Variants in MGAT4C observed in about 807,000 individuals in gnomAD.
MGAT4C encodes the protein MGAT4 family member C.
In MGAT4C, 19 loss-of-function variants were observed where a neutral mutation model predicts 40.1. The ratio of observed to expected loss-of-function variants is 0.47; its 90% CI spans 0.33 to 0.70. The LOEUF (loss-of-function observed/expected upper bound fraction) is 0.70, where lower values mean the gene tolerates loss of function less well. Among genes scored for constraint, MGAT4C ranks in the 30% least tolerant of loss-of-function variants. The probability of loss-of-function intolerance (pLI) is 0.02; values close to 1 mark genes in which losing one functional copy is unlikely to be tolerated. For synonymous variants in MGAT4C, 181 were observed against 187.1 expected (o/e 0.97, Z 0.27); for missense variants, 491 against 563.2 (o/e 0.87, Z 1.30).
At position 86,136,701 on chromosome 12, in the gene MGAT4C, T is replaced by C. The variant is rs1016930535; in HGVS notation, c.-56-86978A>G. Reference sequence around the variant, plus strand: ...TGTTTTTTTGTTTTTGTTTTTTCTTTTTTTGAGATGGAGTTTTGCTCTTGT... The same window carrying C: ...TGTTTTTTTGTTTTTGTTTTTTCTTCTTTTGAGATGGAGTTTTGCTCTTGT... On this transcript the variant is annotated intron_variant, in intron 1 of 4. Coordinates refer to ENST00000611864, the MANE Select transcript of MGAT4C (RefSeq NM_001351288.2). 1.7e-4 allele frequency among the ~76,000 whole-genome samples: 26 copies of C among 152,196 alleles called. 1 individual carries two copies. Among genetic ancestry groups the C allele is most frequent in the Admixed American group, 7.9e-4 (12 of 15,282 alleles).
chr12:86,390,034 A>C (rs1312522731), intron 3 of MGAT4C, among the ~76,000 whole-genome samples: 1 of 152,204 alleles, frequency 6.6e-6, no homozygotes, highest in African/African-American at 2.4e-5. Context: ...ACTTTTTAAC[A>C]ACATTACATT....
chr12:86,098,441 T>C (rs975136209), intron 1 of MGAT4C, among the ~76,000 whole-genome samples: 1 of 151,692 alleles, frequency 6.6e-6, no homozygotes, highest in African/African-American at 2.4e-5. Flanking sequence ...CATGTGTGAC[T>C]GAGTGCCAAT....
intron 3 of MGAT4C, among the ~76,000 whole-genome samples, chr12:86,359,981 G>T (rs1325016809): frequency 6.6e-6 from 1 of 152,136 alleles, no homozygotes; most frequent in Non-Finnish European, 1.5e-5. Flanking sequence ...CTCTTTTTAT[G>T]AGGCCAGCAT....
At chr12:86,619,444 A>G (rs1962568218) in intron 2 of MGAT4C, among the ~76,000 whole-genome samples, 1 of 152,016 alleles carries the variant, frequency 6.6e-6, no homozygotes, top group South Asian at 2.1e-4. Context: ...TTGCACCTCC[A>G]CATAATTCTG....
intron 2 of MGAT4C, among the ~76,000 whole-genome samples, chr12:86,721,910 C>A (rs769002751): frequency 6.6e-6 from 1 of 151,976 alleles, no homozygotes; most frequent in African/African-American, 2.4e-5. Flanking sequence ...ACATTTGATG[C>A]AGGTAGAATG....
intron 1 of MGAT4C, among the ~76,000 whole-genome samples, chr12:86,076,531 T>C (rs1422929912): frequency 6.6e-6 from 1 of 152,118 alleles, no homozygotes; most frequent in Non-Finnish European, 1.5e-5. Flanking sequence ...GATAAAGACA[T>C]ACCGGAAACT....
intron 3 of MGAT4C, among the ~76,000 whole-genome samples, chr12:86,335,424 G>C (rs902742313): frequency 6.6e-6 from 1 of 152,020 alleles, no homozygotes; most frequent in Non-Finnish European, 1.5e-5. Context: ...CAGTCTCTAT[G>C]GGAGAGTATA....
chr12:86,458,029 A>C (rs193015817), intron 2 of MGAT4C, among the ~76,000 whole-genome samples: 188 of 152,238 alleles, frequency 1.2e-3, no homozygotes, highest in Non-Finnish European at 2.0e-3. Flanking sequence ...TTGTCAATAC[A>C]AAACAAAAAG....
rs1950427272 is a variant in MGAT4C at position 86,704,859 on chromosome 12, C to A, written c.-229+22350G>T. Among the ~76,000 whole-genome samples the A allele has an allele frequency of 1.3e-5, 2 of 152,110 alleles. 1 individual carries two copies. The highest frequency in any genetic ancestry group is 4.1e-4 in the South Asian group (2 of 4,832). ...AAGATACACACACCTGCAATGCCAA[C>A]CATGTCACTGTCATAAATATTTTTC... On this transcript the variant is annotated intron_variant, in intron 2 of 7. Coordinates refer to the MGAT4C transcript ENST00000548651.
chr12:86,338,340 A>G (rs2136180765), intron 3 of MGAT4C, among the ~76,000 whole-genome samples: 1 of 152,150 alleles, frequency 6.6e-6, no homozygotes, highest in East Asian at 1.9e-4. Flanking sequence ...CAGCTGATAC[A>G]TCAAGTGCAG....
chr12:86,112,378 C>T (rs1877598475), intron 1 of MGAT4C, among the ~76,000 whole-genome samples: 1 of 151,280 alleles, frequency 6.6e-6, no homozygotes, highest in African/African-American at 2.4e-5. Context: ...CTTGTAGGCT[C>T]ATCTTTCTCT....
chr12:86,365,713 T>C (rs1029273626), intron 3 of MGAT4C, among the ~76,000 whole-genome samples: 1 of 149,742 alleles, frequency 6.7e-6, no homozygotes, highest in Non-Finnish European at 1.5e-5. Context: ...GAAGATCAAA[T>C]GGTTGTAGGT....
intron 1 of MGAT4C, among the ~76,000 whole-genome samples, chr12:86,083,185 C>A (rs1175254940): frequency 6.6e-6 from 1 of 152,010 alleles, no homozygotes; most frequent in Non-Finnish European, 1.5e-5. Flanking sequence ...AACTCTTTTA[C>A]AAATTTTAAA....
intron 4 of MGAT4C, among the ~76,000 whole-genome samples, chr12:86,312,350 G>A (rs1954100863): frequency 6.6e-6 from 1 of 152,218 alleles, no homozygotes; most frequent in Admixed American, 6.5e-5. Flanking sequence ...AAAGTGTGAA[G>A]AGAAAATGCC....
intron 1 of MGAT4C, among the ~76,000 whole-genome samples, chr12:86,813,270 C>T (rs1952511082): frequency 6.6e-6 from 1 of 151,126 alleles, no homozygotes; most frequent in Non-Finnish European, 1.5e-5. Context: ...CATTATTTTT[C>T]CTTATGATTT....
At chr12:86,236,318 A>G (rs754696673) in intron 1 of MGAT4C, among the ~76,000 whole-genome samples, 6 of 152,052 alleles carry the variant, frequency 3.9e-5, no homozygotes, top group Non-Finnish European at 7.4e-5. Flanking sequence ...CTGGCTACTT[A>G]CAGTTGGTAA....
At chr12:86,101,372 C>A (rs1875018580) in intron 1 of MGAT4C, among the ~76,000 whole-genome samples, 1 of 151,602 alleles carries the variant, frequency 6.6e-6, no homozygotes, top group Admixed American at 6.6e-5. Context: ...AGACCATTGG[C>A]CTTTACAAAG....
At chr12:86,072,280 T>C (rs1868678499) in intron 1 of MGAT4C, among the ~76,000 whole-genome samples, 1 of 152,124 alleles carries the variant, frequency 6.6e-6, no homozygotes, top group Non-Finnish European at 1.5e-5. Flanking sequence ...AAAGTCTTTC[T>C]GAAGAAAGCA....
At chr12:86,514,431 A>C (rs1458401470) in intron 2 of MGAT4C, among the ~76,000 whole-genome samples, 2 of 152,172 alleles carry the variant, frequency 1.3e-5, no homozygotes, top group East Asian at 3.9e-4. Flanking sequence ...CATTGGCTAA[A>C]ATCAAGGTGT....
Sources: gnomAD v4.1 joint callset for allele counts (sites outside exome capture counted in the v4.1 genomes callset) on GRCh38, gnomAD v4.1.1 for gene constraint, MANE v1.5 for transcripts, NCBI Gene and HGNC (gene_info 2026-07-23, HGNC 2026-07-21) for gene names.